Variants in ADAMTSL1 observed in about 807,000 individuals in gnomAD.
ADAMTSL1 encodes the protein ADAMTS-like protein 1.
Under a neutral mutation model 201.8 loss-of-function variants are expected in ADAMTSL1, and 126 were observed. That is an observed-to-expected ratio of 0.62 (90% CI 0.54 to 0.72). ADAMTSL1 has a LOEUF of 0.72. ADAMTSL1 is among the 30% of genes least tolerant of loss of function. ADAMTSL1 has a pLI of 0.00. For missense variants in ADAMTSL1, 2,679 were observed against 2,277.8 expected (o/e 1.18, Z -3.59); for synonymous variants, 1,121 against 903.4 (o/e 1.24, Z -4.32).
intron 4 of ADAMTSL1, among the ~76,000 whole-genome samples, chr9:18,577,211 C>A (rs966523657): frequency 3.3e-5 from 5 of 152,140 alleles, no homozygotes; most frequent in Non-Finnish European, 7.4e-5. Context: ...TGGGGCCAGG[C>A]ACGGTGTCTC....
At chr9:18,722,940 T>C in intron 15 of ADAMTSL1, 1 of 738,158 alleles carries the variant, frequency 1.4e-6, no homozygotes, top group Admixed American at 1.9e-5. Flanking sequence ...ACTTCGCAGC[T>C]CTCTAGTTGT....
In ADAMTSL1 at chr9:18,061,903, A is replaced by G. The variant is rs938127135; in HGVS notation, c.88-101959A>G. On this transcript the variant is annotated intron_variant, in intron 1 of 29. Coordinates refer to the ADAMTSL1 transcript ENST00000680146. ...GGCATCTTCAATTTTCAATAGCAAA[A>G]TGATTGAGCATTTGTGCAAAGGATC... Among the ~76,000 whole-genome samples the G allele has an allele frequency of 3.3e-5, 5 of 152,198 alleles. No homozygotes were observed. The East Asian group carries it at 7.7e-4, about 23-fold the overall frequency.
intron 2 of ADAMTSL1, among the ~76,000 whole-genome samples, chr9:18,243,571 C>G (rs1293870106): frequency 2.0e-5 from 3 of 152,010 alleles, no homozygotes; most frequent in East Asian, 1.9e-4. Context: ...TGCTGGACCT[C>G]TATAATCATA....
chr9:18,159,713 G>T (rs1211515326), intron 1 of ADAMTSL1, among the ~76,000 whole-genome samples: 2 of 151,984 alleles, frequency 1.3e-5, no homozygotes, highest in Non-Finnish European at 2.9e-5. Context: ...CAAGTTAATT[G>T]TGAGCTGATG....
At chr9:18,713,362 G>A (rs1264979789) in intron 14 of ADAMTSL1, among the ~76,000 whole-genome samples, 6 of 152,236 alleles carry the variant, frequency 3.9e-5, no homozygotes, top group East Asian at 1.9e-4. Context: ...CCCATCTCAC[G>A]TGCAGAGACA....
chr9:18,121,545 C>T (rs1314505258), intron 1 of ADAMTSL1, among the ~76,000 whole-genome samples: 1 of 152,152 alleles, frequency 6.6e-6, no homozygotes, highest in African/African-American at 2.4e-5. Context: ...TTGTAGAACA[C>T]TTAAGAAATA....
At chr9:18,157,114 A>G (rs1283708391) in intron 1 of ADAMTSL1, among the ~76,000 whole-genome samples, 3 of 151,990 alleles carry the variant, frequency 2.0e-5, no homozygotes, top group Non-Finnish European at 4.4e-5. Context: ...TCTTCTCAGC[A>G]TTTTCATTTC....
chr9:18,578,251 T>C (rs10120778), intron 4 of ADAMTSL1, among the ~76,000 whole-genome samples: 2,078 of 152,312 alleles, frequency 0.014, 46 homozygotes, highest in African/African-American at 0.046. Context: ...CTGTCATTAA[T>C]ATTATGAAAA....
chr9:18,820,464 C>G (rs191516314), intron 21 of ADAMTSL1, among the ~76,000 whole-genome samples: 2 of 152,292 alleles, frequency 1.3e-5, no homozygotes, highest in East Asian at 1.9e-4. Context: ...CAAAGTCGTT[C>G]TCTCCAAACT....
At chr9:18,071,484 T>C (rs1822965915) in intron 1 of ADAMTSL1, among the ~76,000 whole-genome samples, 1 of 152,254 alleles carries the variant, frequency 6.6e-6, no homozygotes, top group South Asian at 2.1e-4. Context: ...TAAGTGGTTA[T>C]GTTATTGTTC....
chr9:18,338,169 A>G (rs1455748172), intron 2 of ADAMTSL1, among the ~76,000 whole-genome samples: 1 of 152,120 alleles, frequency 6.6e-6, no homozygotes, highest in Non-Finnish European at 1.5e-5. Flanking sequence ...CCTGGGTTCC[A>G]TAGTGAACTG....
chr9:18,282,559 G>A (rs563326339), intron 2 of ADAMTSL1, among the ~76,000 whole-genome samples: 33 of 152,144 alleles, frequency 2.2e-4, no homozygotes, highest in Non-Finnish European at 4.6e-4. Flanking sequence ...CTTGCTTTAT[G>A]GCTTAGAATA....
chr9:18,594,092 G>T (rs1405143474), intron 4 of ADAMTSL1, among the ~76,000 whole-genome samples: 2 of 151,964 alleles, frequency 1.3e-5, no homozygotes, highest in African/African-American at 4.8e-5. Context: ...GTCTGGAAAA[G>T]TCTTTAGTTC....
At chr9:18,733,641 A>ATT (rs1818345104) in intron 15 of ADAMTSL1, among the ~76,000 whole-genome samples, 1 of 89,076 alleles carries the variant, frequency 1.1e-5, no homozygotes. Flanking sequence ...CCCCACACAC[A>ATT]CACTCACTCG....
At chr9:18,469,387 G>C (rs1382411503), upstream of ADAMTSL1, among the ~76,000 whole-genome samples, 1 of 152,220 alleles carries the variant, frequency 6.6e-6, no homozygotes, top group Non-Finnish European at 1.5e-5. Context: ...GGGTATATCA[G>C]TTGGGATTCT....
At chr9:18,318,960 A>C (rs1333977000) in intron 2 of ADAMTSL1, among the ~76,000 whole-genome samples, 1 of 152,174 alleles carries the variant, frequency 6.6e-6, no homozygotes, top group Non-Finnish European at 1.5e-5. Context: ...TGTAATCCTA[A>C]CACTTTGGGA....
At chr9:18,509,767 T>A (rs1035236805) in intron 2 of ADAMTSL1, among the ~76,000 whole-genome samples, 5 of 152,222 alleles carry the variant, frequency 3.3e-5, no homozygotes, top group African/African-American at 1.2e-4. Context: ...AGAGTCAGAA[T>A]GGGAGAGCCA....
At chr9:18,067,537 G>A (rs62548502) in intron 1 of ADAMTSL1, among the ~76,000 whole-genome samples, 12,866 of 152,206 alleles carry the variant, frequency 0.085, 726 homozygotes, top group African/African-American at 0.16. Flanking sequence ...GGGCAATTTA[G>A]ATTACAAAAC....
chr9:18,842,595 T>C (rs1825794774), intron 23 of ADAMTSL1, among the ~76,000 whole-genome samples: 1 of 152,218 alleles, frequency 6.6e-6, no homozygotes. Context: ...GGTATCCTTA[T>C]TAACTTTCTG....
Sources: allele counts gnomAD v4.1 joint callset (sites outside exome capture counted in the v4.1 genomes callset), GRCh38; gene constraint gnomAD v4.1.1; transcripts MANE v1.5; gene names NCBI Gene and HGNC (gene_info 2026-07-23, HGNC 2026-07-21).